Variants in CRBN observed in about 807,000 individuals in gnomAD.
CRBN encodes the protein cereblon.
In CRBN, 53 loss-of-function variants were observed where a neutral mutation model predicts 62.2. That is an observed-to-expected ratio of 0.85 (90% CI 0.68 to 1.07). The LOEUF (loss-of-function observed/expected upper bound fraction) is 1.07, where lower values mean the gene tolerates loss of function less well. Ranked by LOEUF, CRBN falls within the 50% of genes least tolerant of loss-of-function variation. The pLI is 0.00. For synonymous variants in CRBN, 208 were observed against 176.1 expected, an observed-to-expected ratio of 1.18 and a Z score of -1.43; for missense variants, 616 against 531.1, an observed-to-expected ratio of 1.16 and a Z score of -1.57.
intron 9 of CRBN, chr3:3,153,034 A>G (rs796822375): frequency 6.6e-6 from 2 of 302,132 alleles, no homozygotes; most frequent in African/African-American, 4.3e-5. Context: ...CTGTTATATC[A>G]GAGCATCAGT....
intron 5 of CRBN, among the ~76,000 whole-genome samples, chr3:3,166,811 T>C (rs1707370085): frequency 6.6e-6 from 1 of 151,974 alleles, no homozygotes. Flanking sequence ...TCATTAATTA[T>C]CCATAATAAT....
intron 9 of CRBN, chr3:3,152,839 C>T (rs1559241605): frequency 1.9e-6 from 1 of 521,778 alleles, no homozygotes; most frequent in Non-Finnish European, 3.4e-6. Flanking sequence ...GTTTTTAAAA[C>T]CCTCCTCAAG....
chr3:3,157,296 A>T (rs994680376), intron 5 of CRBN, among the ~76,000 whole-genome samples: 1 of 152,242 alleles, frequency 6.6e-6, no homozygotes, highest in Admixed American at 6.5e-5. Context: ...AGAACAAGGT[A>T]TAGCAGAATA....
chr3:3,170,179 C>G (rs1371307475), intron 4 of CRBN, among the ~76,000 whole-genome samples: 2 of 152,110 alleles, frequency 1.3e-5, no homozygotes, highest in Non-Finnish European at 2.9e-5. Context: ...TGCAGCTTCA[C>G]CATGTTGGCC....
At chr3:3,156,108 CTT>C (rs2126056046) in intron 6 of CRBN, 109 bp downstream of exon 6, 1 of 927,790 alleles carries the variant, frequency 1.1e-6, no homozygotes, top group African/African-American at 1.6e-5. Context: ...TTAACGATAT[CTT>C]AAGTTATAAG....
In CRBN at chr3:3,172,827, GCTTTCA is replaced by G; in HGVS notation, c.470_475del (p.Val157_Lys158del). On this transcript the variant is annotated inframe_deletion, in exon 4 of 11. Transcript: ENST00000231948. ...GACTTTGAACCTTTGTCTTCCAATT[GCTTTCA>G]CTTTCACTATCTCAATTCCAAAATC... 2.5e-6 allele frequency: 4 copies of G among 1,613,870 alleles called. No homozygotes were observed. The highest frequency in any genetic ancestry group is 3.4e-6 in the Non-Finnish European group (4 of 1,179,796).
intron 5 of CRBN, among the ~76,000 whole-genome samples, chr3:3,163,618 C>T (rs149676257): frequency 7.2e-4 from 109 of 152,322 alleles, no homozygotes; most frequent in African/African-American, 2.5e-3. Context: ...AGGCAGGTCA[C>T]AGAACTAGCT....
intron 4 of CRBN, 52 bp from the exon 5 acceptor site, chr3:3,167,845 A>G: frequency 6.4e-7 from 1 of 1,555,278 alleles, no homozygotes; most frequent in Non-Finnish European, 8.9e-7. Flanking sequence ...TGACTAACTC[A>G]AAACTATAAG....
At chr3:3,165,798 T>G (rs1707305058) in intron 5 of CRBN, among the ~76,000 whole-genome samples, 1 of 152,180 alleles carries the variant, frequency 6.6e-6, no homozygotes, top group Admixed American at 6.6e-5. Flanking sequence ...ATCTCTAGTA[T>G]GAAATACATC....
At chr3:3,155,933 A>C (rs933301256) in intron 6 of CRBN, 20 of 361,082 alleles carry the variant, frequency 5.5e-5, no homozygotes, top group Non-Finnish European at 7.2e-5. Flanking sequence ...CAGCCTCTCA[A>C]GCAGCTGGGA....
intron 4 of CRBN, among the ~76,000 whole-genome samples, chr3:3,171,942 A>G (rs1215572361): frequency 6.6e-6 from 1 of 152,230 alleles, no homozygotes; most frequent in Non-Finnish European, 1.5e-5. Context: ...TGTATCTGTG[A>G]GACCTCACGG....
At chr3:3,173,815 A>G (rs952040533) in intron 3 of CRBN, 1 of 523,780 alleles carries the variant, frequency 1.9e-6, no homozygotes, top group African/African-American at 1.9e-5. Context: ...ATGATTAAAA[A>G]TTTTTCAAAT....
At chr3:3,176,789 T>A (rs1304748643) in intron 1 of CRBN, among the ~76,000 whole-genome samples, 2 of 152,250 alleles carry the variant, frequency 1.3e-5, no homozygotes, top group East Asian at 3.8e-4. Context: ...TTTTGCTTAA[T>A]TTTAAATTTA....
chr3:3,171,201 T>C (rs1707596055), intron 4 of CRBN, among the ~76,000 whole-genome samples: 1 of 152,160 alleles, frequency 6.6e-6, no homozygotes, highest in Admixed American at 6.5e-5. Flanking sequence ...TTTTCCACAA[T>C]CAAAAGTCAC....
intron 4 of CRBN, among the ~76,000 whole-genome samples, chr3:3,168,935 T>G (rs1707485320): frequency 6.6e-6 from 1 of 152,170 alleles, no homozygotes; most frequent in African/African-American, 2.4e-5. Context: ...TAGAGCTCAT[T>G]AGAAACAAAA....
At chr3:3,173,279 A>T (rs1026182979) in intron 3 of CRBN, among the ~76,000 whole-genome samples, 6 of 152,200 alleles carry the variant, frequency 3.9e-5, no homozygotes, top group African/African-American at 1.4e-4. Flanking sequence ...GCTGGTCTCA[A>T]ACTCCCGACC....
At chr3:3,164,766 T>A (rs1707263653) in intron 5 of CRBN, among the ~76,000 whole-genome samples, 1 of 152,240 alleles carries the variant, frequency 6.6e-6, no homozygotes, top group Non-Finnish European at 1.5e-5. Context: ...GCTGTTTTCA[T>A]GCTTGGTAAC....
In CRBN at chr3:3,174,249, C is replaced by T; in HGVS notation, c.187G>A (p.Asp63Asn). Residue 63 changes from aspartate to asparagine, a missense_variant, in exon 3 of 11, where the codon GAT becomes AAT. Physicochemically the swap from Asp to Asn is conservative, Grantham distance 23. Coordinates refer to ENST00000231948, the MANE Select transcript of CRBN (RefSeq NM_016302.4). The stretch of plus-strand genomic sequence containing the variant: ...GTCCTGCCATGAAATTCTTCCATAT[C>T]AGCACCTAGGTACTATATAAAAACA... ...LPTSHTYLGA[D>N]MEEFHGRTLH... 6.2e-7 allele frequency: 1 copy of T among 1,613,350 alleles called. No homozygotes were observed.
chr3:3,179,108 T>A (rs953188932), intron 1 of CRBN, among the ~76,000 whole-genome samples: 2 of 152,126 alleles, frequency 1.3e-5, no homozygotes, highest in African/African-American at 4.8e-5. Context: ...GGGCAAGTCA[T>A]TGAACTAATC....
Sources: allele counts gnomAD v4.1 joint callset (sites outside exome capture counted in the v4.1 genomes callset), GRCh38; gene constraint gnomAD v4.1.1; transcripts MANE v1.5; gene names NCBI Gene and HGNC (gene_info 2026-07-23, HGNC 2026-07-21).